Variants in BNC2 observed in about 807,000 individuals in gnomAD.
BNC2 encodes zinc finger protein basonuclin-2.
A neutral mutation model predicts 76.3 loss-of-function variants in BNC2; 20 were observed. The observed-to-expected ratio is 0.26, with a 90% CI of 0.18 to 0.38. BNC2 has a LOEUF of 0.38. BNC2 is among the 10% of genes least tolerant of loss of function. The probability of loss-of-function intolerance (pLI) is 1.00; values close to 1 mark genes in which losing one functional copy is unlikely to be tolerated. For missense variants in BNC2, 1,382 were observed against 1,399.8 expected (o/e 0.99, Z 0.20); for synonymous variants, 582 against 514.8 (o/e 1.13, Z -1.77).
At chr9:16,818,609 T>C (rs2135923895) in intron 1 of BNC2, among the ~76,000 whole-genome samples, 1 of 152,304 alleles carries the variant, frequency 6.6e-6, no homozygotes, top group Admixed American at 6.5e-5. Context: ...TTACTGTGTC[T>C]TTTATCTGAG....
intron 1 of BNC2, among the ~76,000 whole-genome samples, chr9:16,798,388 A>G (rs1817704972): frequency 6.6e-6 from 1 of 152,196 alleles, no homozygotes. Context: ...TAAATTAAAT[A>G]TATATGGATT....
chr9:16,841,709 C>T (rs761199019), intron 1 of BNC2, among the ~76,000 whole-genome samples: 7 of 151,816 alleles, frequency 4.6e-5, no homozygotes, highest in Non-Finnish European at 1.0e-4. Flanking sequence ...TAAAATACTT[C>T]AAAATAAAAG....
At chr9:16,820,851 A>T (rs142180734) in intron 1 of BNC2, among the ~76,000 whole-genome samples, 3 of 152,166 alleles carry the variant, frequency 2.0e-5, no homozygotes, top group Non-Finnish European at 4.4e-5. Flanking sequence ...GTATTCAATT[A>T]ATGAATCTGA....
At chr9:16,483,715 G>A (rs1380155072) in intron 5 of BNC2, among the ~76,000 whole-genome samples, 1 of 152,144 alleles carries the variant, frequency 6.6e-6, no homozygotes, top group Non-Finnish European at 1.5e-5. Flanking sequence ...TATTTTCAGG[G>A]ATACTTATTT....
intron 2 of BNC2, among the ~76,000 whole-genome samples, chr9:16,734,701 A>C (rs1238753458): frequency 6.6e-6 from 1 of 152,216 alleles, no homozygotes; most frequent in Non-Finnish European, 1.5e-5. Flanking sequence ...GTTTACACAT[A>C]AGAACATGAT....
intron 5 of BNC2, among the ~76,000 whole-genome samples, chr9:16,482,798 G>T (rs926124792): frequency 6.6e-6 from 1 of 152,126 alleles, no homozygotes; most frequent in East Asian, 1.9e-4. Flanking sequence ...AGGACTCTCT[G>T]GACCAGACTG....
At chr9:16,811,427 C>T (rs935062925) in intron 1 of BNC2, among the ~76,000 whole-genome samples, 1 of 150,950 alleles carries the variant, frequency 6.6e-6, no homozygotes, top group African/African-American at 2.4e-5. Context: ...TGGCGGGCAC[C>T]TGTAATGCCA....
At chr9:16,775,395 A>AC (rs1825937689) in intron 1 of BNC2, among the ~76,000 whole-genome samples, 2 of 30,026 alleles carry the variant, frequency 6.7e-5, no homozygotes, top group South Asian at 1.8e-3. Context: ...TGATTTCGTT[A>AC]TTAAAAAAAA....
At chr9:16,756,074 C>T (rs1825377112) in intron 1 of BNC2, among the ~76,000 whole-genome samples, 4 of 152,174 alleles carry the variant, frequency 2.6e-5, no homozygotes, top group African/African-American at 9.7e-5. Context: ...AGAAGACTAT[C>T]AAAAGGGACA....
intron 4 of BNC2, among the ~76,000 whole-genome samples, chr9:16,571,049 G>A (rs1026718399): frequency 1.3e-5 from 2 of 152,114 alleles, no homozygotes; most frequent in Non-Finnish European, 2.9e-5. Context: ...AATACAAATT[G>A]TAAAATGTAG....
intron 3 of BNC2, among the ~76,000 whole-genome samples, chr9:16,651,023 G>A (rs983838303): frequency 1.3e-5 from 2 of 152,074 alleles, no homozygotes; most frequent in Non-Finnish European, 2.9e-5. Flanking sequence ...AGAAAGGATA[G>A]TAACTGTTTA....
chr9:16,554,951 C>A (rs552845511), intron 4 of BNC2, among the ~76,000 whole-genome samples: 99 of 152,200 alleles, frequency 6.5e-4, no homozygotes, highest in African/African-American at 2.3e-3. Context: ...TGTGCAAATG[C>A]GTTCAAATTG....
chr9:16,798,698 C>A (rs928496604), intron 1 of BNC2, among the ~76,000 whole-genome samples: 2 of 152,152 alleles, frequency 1.3e-5, no homozygotes, highest in African/African-American at 2.4e-5. Context: ...CACTAAACTA[C>A]GTAGAAATTA....
chr9:16,661,941 G>A (rs1013974094), intron 3 of BNC2, among the ~76,000 whole-genome samples: 1 of 152,158 alleles, frequency 6.6e-6, no homozygotes, highest in African/African-American at 2.4e-5. Context: ...AAGTGACAGA[G>A]CAGGTCTAAG....
At chr9:16,810,853 A>G (rs2135843967) in intron 1 of BNC2, among the ~76,000 whole-genome samples, 1 of 152,272 alleles carries the variant, frequency 6.6e-6, no homozygotes, top group East Asian at 1.9e-4. Context: ...CTTTTTCAAG[A>G]GAAACCAGAA....
chr9:16,550,590 A>G (rs979573065), intron 5 of BNC2, among the ~76,000 whole-genome samples: 1 of 152,238 alleles, frequency 6.6e-6, no homozygotes, highest in Non-Finnish European at 1.5e-5. Context: ...GAGCTTTGTT[A>G]AAATGGCAAA....
intron 4 of BNC2, among the ~76,000 whole-genome samples, chr9:16,577,102 T>C (rs1385047093): frequency 6.6e-6 from 1 of 152,176 alleles, no homozygotes; most frequent in Non-Finnish European, 1.5e-5. Context: ...GCAAATTGAG[T>C]CTGAATAGGA....
At chr9:16,701,029 A>G (rs185163903) in intron 3 of BNC2, among the ~76,000 whole-genome samples, 4 of 152,310 alleles carry the variant, frequency 2.6e-5, no homozygotes, top group Admixed American at 6.5e-5. Context: ...AAAACCTTCA[A>G]GTCCCAGATG....
chr9:16,444,219 T>C (rs1415693821), intron 5 of BNC2, among the ~76,000 whole-genome samples: 1 of 152,146 alleles, frequency 6.6e-6, no homozygotes, highest in Non-Finnish European at 1.5e-5. Context: ...AGGTGATTTT[T>C]TGCTAGTATC....
Sources: gnomAD v4.1 joint callset for allele counts (sites outside exome capture counted in the v4.1 genomes callset) on GRCh38, gnomAD v4.1.1 for gene constraint, MANE v1.5 for transcripts, NCBI Gene and HGNC (gene_info 2026-07-23, HGNC 2026-07-21) for gene names.